Variants in PLXDC1 observed in about 807,000 individuals in gnomAD.
The protein encoded by PLXDC1 is plexin domain-containing protein 1.
A neutral mutation model predicts 61.3 loss-of-function variants in PLXDC1; 39 were observed. The ratio of observed to expected loss-of-function variants is 0.64; its 90% CI spans 0.49 to 0.83. The LOEUF (loss-of-function observed/expected upper bound fraction) is 0.83. Among genes scored for constraint, PLXDC1 ranks in the 40% least tolerant of loss-of-function variants. The pLI is 0.00. For missense variants in PLXDC1, 596 were observed against 666.5 expected (o/e 0.89, Z 1.17); for synonymous variants, 212 against 254.5 (o/e 0.83, Z 1.59).
chr17:39,105,722 C>T lies in PLXDC1; in HGVS notation c.811+132G>A. 3 of 640,630 alleles carry T rather than the reference C, an allele frequency of 4.7e-6. No homozygotes were observed. The East Asian group carries it at 8.0e-5, about 17-fold the overall frequency. The allele number at this position is 640,630 out of a possible 1,614,324, so 39.7% of individuals were successfully genotyped here. ...AGCTGGAAGTCACTGGGCATCCTTT[C>T]CTGCCTGGTTTCCCTCTCAACTCTC... On this transcript the variant is annotated intron_variant, in intron 7 of 13. Coordinates refer to ENST00000315392, the MANE Select transcript of PLXDC1 (RefSeq NM_020405.5).
At chr17:39,086,642 A>G (rs1271936356) in intron 8 of PLXDC1, among the ~76,000 whole-genome samples, 1 of 152,046 alleles carries the variant, frequency 6.6e-6, no homozygotes, top group East Asian at 1.9e-4. Context: ...TGGGTGGATC[A>G]CTTGAGGTCA....
chr17:39,083,752 G>A (rs1909646983), intron 8 of PLXDC1, among the ~76,000 whole-genome samples: 2 of 151,872 alleles, frequency 1.3e-5, no homozygotes, highest in Admixed American at 1.3e-4. Flanking sequence ...TGCCCAGGTT[G>A]GTGTGTGATG....
intron 7 of PLXDC1, among the ~76,000 whole-genome samples, chr17:39,090,563 G>A (rs1003017997): frequency 3.9e-5 from 6 of 152,172 alleles, no homozygotes; most frequent in African/African-American, 7.2e-5. Context: ...TGCCCTTACC[G>A]CCTGTGTGAC....
At chr17:39,123,285 G>T (rs1293459039) in intron 2 of PLXDC1, among the ~76,000 whole-genome samples, 1 of 152,166 alleles carries the variant, frequency 6.6e-6, no homozygotes, top group Non-Finnish European at 1.5e-5. Context: ...CCACCTCCTG[G>T]ATTCAAGTGA....
intron 7 of PLXDC1, among the ~76,000 whole-genome samples, chr17:39,094,940 C>A (rs1427314727): frequency 1.3e-5 from 2 of 152,128 alleles, no homozygotes; most frequent in Non-Finnish European, 2.9e-5. Context: ...CAGAGCTTTC[C>A]CTCATCAGAA....
At chr17:39,087,912 C>A (rs963706303) in intron 7 of PLXDC1, among the ~76,000 whole-genome samples, 1 of 152,206 alleles carries the variant, frequency 6.6e-6, no homozygotes, top group Non-Finnish European at 1.5e-5. Flanking sequence ...AGTGACTCAA[C>A]GCAGAGACCT....
rs781137035 is a variant in PLXDC1, at chr17:39,063,495, C to T, written c.*4345G>A. 2.3e-4 allele frequency: 160 copies of T among 702,836 alleles called. No homozygotes were observed. The highest frequency in any genetic ancestry group is 3.8e-4 in the Non-Finnish European group (145 of 385,008). The allele number at this position is 702,836 out of a possible 1,614,324, so 43.5% of individuals were successfully genotyped here. A position where few individuals can be genotyped will look rare whatever the true frequency, so the allele number is the denominator to read the frequency against. On this transcript the variant is annotated 3_prime_UTR_variant, in exon 14 of 14. Transcript: ENST00000315392. ...TGAGCAGATAGCTGGAGGCTGTTCC[C>T]ACAGTCATGTCTCAGCGAAGAAGTC...
At chr17:39,142,789 C>T (rs1337256231) in intron 1 of PLXDC1, among the ~76,000 whole-genome samples, 1 of 152,212 alleles carries the variant, frequency 6.6e-6, no homozygotes, top group Non-Finnish European at 1.5e-5. Context: ...CCACCTTGGC[C>T]TCCCAAAGTG....
intron 7 of PLXDC1, among the ~76,000 whole-genome samples, chr17:39,095,538 T>G (rs1910156366): frequency 6.6e-6 from 1 of 152,032 alleles, no homozygotes; most frequent in South Asian, 2.1e-4. Flanking sequence ...GTGTTCTGTT[T>G]TATCTCTGCT....
chr17:39,076,261 C>T (rs1442906452), intron 11 of PLXDC1, among the ~76,000 whole-genome samples: 13 of 152,022 alleles, frequency 8.6e-5, no homozygotes, highest in Admixed American at 4.6e-4. Context: ...GTAATCCCAG[C>T]ACTTTTGGAG....
chr17:39,119,879 C>T (rs59525621), intron 2 of PLXDC1, among the ~76,000 whole-genome samples: 1 of 151,730 alleles, frequency 6.6e-6, no homozygotes, highest in African/African-American at 2.4e-5. Flanking sequence ...ATCCTAAGTC[C>T]CCCAACCAAC....
chr17:39,139,951 C>T (rs986462997), intron 1 of PLXDC1, 119 bp from the exon 2 acceptor site: 2 of 977,346 alleles, frequency 2.0e-6, no homozygotes, highest in Non-Finnish European at 3.0e-6. Flanking sequence ...TTTGCAGACA[C>T]TTGACTGACT....
chr17:39,149,041 A>G (rs1043928687), intron 1 of PLXDC1, among the ~76,000 whole-genome samples: 1 of 152,050 alleles, frequency 6.6e-6, no homozygotes, highest in African/African-American at 2.4e-5. Context: ...CCAGACTGTC[A>G]GTTCCCTGGG....
chr17:39,142,608 C>CCT (rs1355673685), intron 1 of PLXDC1, among the ~76,000 whole-genome samples: 2 of 152,226 alleles, frequency 1.3e-5, no homozygotes, highest in Non-Finnish European at 2.9e-5. Context: ...GTACGCTTGA[C>CCT]CTCTCAGGCT....
chr17:39,099,131 C>T (rs574134666), intron 7 of PLXDC1, among the ~76,000 whole-genome samples: 2 of 152,202 alleles, frequency 1.3e-5, no homozygotes, highest in South Asian at 4.2e-4. Context: ...CACACAGCAC[C>T]TGGAGTCAGA....
chr17:39,127,679 G>A (rs1023790313), intron 2 of PLXDC1, among the ~76,000 whole-genome samples: 1 of 152,000 alleles, frequency 6.6e-6, no homozygotes, highest in African/African-American at 2.4e-5. Flanking sequence ...AATAAGGCCG[G>A]GTGCAGTGGC....
intron 7 of PLXDC1, among the ~76,000 whole-genome samples, chr17:39,092,461 A>T (rs575401566): frequency 4.1e-4 from 62 of 152,344 alleles, no homozygotes; most frequent in African/African-American, 1.4e-3. Flanking sequence ...CAGCGCCACC[A>T]TGCAGCACAT....
intron 2 of PLXDC1, among the ~76,000 whole-genome samples, chr17:39,114,347 T>G (rs1350644818): frequency 6.6e-6 from 1 of 152,190 alleles, no homozygotes; most frequent in African/African-American, 2.4e-5. Context: ...GCCTCAAAAT[T>G]TCTTCCCTTC....
chr17:39,079,429 C>T, intron 9 of PLXDC1: 1 of 543,220 alleles, frequency 1.8e-6, no homozygotes. Flanking sequence ...ACTGCATGAG[C>T]TCCAGTGATC....
Sources: allele counts gnomAD v4.1 joint callset (sites outside exome capture counted in the v4.1 genomes callset), GRCh38; gene constraint gnomAD v4.1.1; transcripts MANE v1.5; gene names NCBI Gene and HGNC (gene_info 2026-07-23, HGNC 2026-07-21).